Variants in SLC4A4 observed in about 807,000 individuals in gnomAD.
SLC4A4 encodes the protein electrogenic sodium bicarbonate cotransporter 1.
In SLC4A4, 27 loss-of-function variants were observed where a neutral mutation model predicts 111.5. That is an observed-to-expected ratio of 0.24 (90% CI 0.18 to 0.33). The LOEUF (loss-of-function observed/expected upper bound fraction) is 0.33. Ranked by LOEUF, SLC4A4 falls within the 10% of genes least tolerant of loss-of-function variation. The pLI is 1.00. For synonymous variants in SLC4A4, 443 were observed against 463.4 expected (o/e 0.96, Z 0.57); for missense variants, 909 against 1,315.5 (o/e 0.69, Z 4.78).
chr4:71,422,084 C>T (rs1481615596), intron 7 of SLC4A4, among the ~76,000 whole-genome samples: 12 of 146,948 alleles, frequency 8.2e-5, no homozygotes, highest in Non-Finnish European at 1.4e-4. Context: ...ATTGATAGAC[C>T]GCTAGCAAGA....
At chr4:71,481,768 C>G (rs1037310950) in intron 14 of SLC4A4, among the ~76,000 whole-genome samples, 3 of 151,676 alleles carry the variant, frequency 2.0e-5, no homozygotes, top group African/African-American at 7.3e-5. Context: ...TTCCCTCATT[C>G]CAGAAAATCA....
chr4:71,534,304 C>G lies in SLC4A4; in HGVS notation c.2358C>G (p.Ile786Met). The G allele has an allele frequency of 6.2e-7, 1 of 1,613,678 alleles. No individual in the cohort carries two copies. ...GGTGGGTGTGCCTTGCTGCTGCTAT[C>G]CCGGCTTTGTTGGTCACTATACTGA... ...NPWWVCLAAAIPALLVTILIF... is the reference protein window; with the variant it reads ...NPWWVCLAAAMPALLVTILIF... Residue 786 changes from isoleucine to methionine, a missense_variant, in exon 18 of 26, where the codon ATC becomes ATG. Around this residue, in one of 7 missense-constraint regions of SLC4A4, gnomAD observed 264 missense variants for 356.8 expected, o/e 0.74. Transcript: ENST00000264485.
At chr4:71,097,952 T>C (rs1183922083) in intron 2 of SLC4A4, among the ~76,000 whole-genome samples, 3 of 152,228 alleles carry the variant, frequency 2.0e-5, no homozygotes, top group Non-Finnish European at 4.4e-5. Context: ...GCAAATATTT[T>C]CTCCCACTCT....
intron 1 of SLC4A4, among the ~76,000 whole-genome samples, chr4:71,077,898 C>T (rs1250081780): frequency 6.6e-6 from 1 of 152,118 alleles, no homozygotes; most frequent in East Asian, 1.9e-4. Context: ...GAATGTCTAT[C>T]TAGCAAATAT....
intron 6 of SLC4A4, among the ~76,000 whole-genome samples, chr4:71,376,845 G>A (rs1444129753): frequency 6.6e-6 from 1 of 151,452 alleles, no homozygotes; most frequent in Admixed American, 6.6e-5. Flanking sequence ...CCATGTTGCC[G>A]AGGCTGGTCT....
In SLC4A4 at chr4:71,404,975, G is replaced by GTA. The variant is rs545776991; in HGVS notation, c.807+7333_807+7334dup. Among the ~76,000 whole-genome samples, 604 of 150,564 alleles carry GTA rather than the reference G, an allele frequency of 4.0e-3. 4 individuals carry two copies. Among genetic ancestry groups the GTA allele is most frequent in the South Asian group, 0.01 (48 of 4,768 alleles). On this transcript the variant is annotated intron_variant, in intron 7 of 25. Coordinates refer to ENST00000264485, the MANE Select transcript of SLC4A4 (RefSeq NM_001098484.3). ...CATACCCAGCTAATTTTTTTTTTGT[G>GTA]TATATATATATAATTTTTTTTTGAG...
chr4:71,225,388 G>C (rs1718982307), intron 1 of SLC4A4, among the ~76,000 whole-genome samples: 1 of 151,892 alleles, frequency 6.6e-6, no homozygotes, highest in Non-Finnish European at 1.5e-5. Context: ...CCTAATCTCA[G>C]TTCCTACATT....
intron 3 of SLC4A4, among the ~76,000 whole-genome samples, chr4:71,329,755 T>G (rs1727814638): frequency 6.6e-6 from 1 of 152,166 alleles, no homozygotes; most frequent in Non-Finnish European, 1.5e-5. Flanking sequence ...TTATATTATT[T>G]GCAAACAAGG....
At chr4:71,094,413 TGGCATTACATTATAAATA>T (rs1388295441) in intron 2 of SLC4A4, among the ~76,000 whole-genome samples, 4 of 147,388 alleles carry the variant, frequency 2.7e-5, no homozygotes, top group Non-Finnish European at 6.0e-5. Flanking sequence ...TGTCTATTTT[TGGCATTACATTATAAATA>T]GGCCTCCTGC....
chr4:71,476,266 G>T (rs558386755), intron 14 of SLC4A4, among the ~76,000 whole-genome samples: 21 of 151,716 alleles, frequency 1.4e-4, no homozygotes, highest in Admixed American at 1.3e-3. Context: ...CATCAATTTA[G>T]TATTTCTTGA....
intron 3 of SLC4A4, among the ~76,000 whole-genome samples, chr4:71,303,098 T>G (rs1273049907): frequency 6.6e-6 from 1 of 152,230 alleles, no homozygotes; most frequent in East Asian, 1.9e-4. Flanking sequence ...GACCTCATTT[T>G]CCTCTGCTTT....
chr4:71,068,758 G>T (rs542996220), intron 1 of SLC4A4, among the ~76,000 whole-genome samples: 4 of 151,848 alleles, frequency 2.6e-5, no homozygotes, highest in South Asian at 2.1e-4. Flanking sequence ...GAGACGAGGG[G>T]ATCTCACTAC....
chr4:71,395,388 A>G (rs1719726139), intron 6 of SLC4A4, among the ~76,000 whole-genome samples: 1 of 152,196 alleles, frequency 6.6e-6, no homozygotes, highest in African/African-American at 2.4e-5. Context: ...TGAGAATCAG[A>G]GAAAGTTAGG....
intron 2 of SLC4A4, among the ~76,000 whole-genome samples, chr4:71,140,406 A>AT (rs1464944858): frequency 6.6e-6 from 1 of 152,134 alleles, no homozygotes; most frequent in Non-Finnish European, 1.5e-5. Context: ...GAGCGACAAA[A>AT]TGAGACCCTG....
intron 14 of SLC4A4, chr4:71,473,236 G>A (rs1281518821): frequency 3.2e-6 from 2 of 625,998 alleles, no homozygotes; most frequent in African/African-American, 1.8e-5. Flanking sequence ...GGATTTGCAA[G>A]GAATTCATGT....
intron 1 of SLC4A4, among the ~76,000 whole-genome samples, chr4:71,231,406 C>T (rs550965930): frequency 2.0e-5 from 3 of 152,296 alleles, no homozygotes; most frequent in South Asian, 2.1e-4. Context: ...GTCACCCTTA[C>T]GAGCCTGCTC....
intron 4 of SLC4A4, among the ~76,000 whole-genome samples, chr4:71,342,772 A>G (rs1268064514): frequency 6.6e-6 from 1 of 152,176 alleles, no homozygotes; most frequent in African/African-American, 2.4e-5. Flanking sequence ...TCAACATTGA[A>G]TGATAGGAGC....
intron 6 of SLC4A4, among the ~76,000 whole-genome samples, chr4:71,376,879 C>T (rs1351119947): frequency 1.3e-5 from 2 of 152,030 alleles, no homozygotes; most frequent in Admixed American, 6.5e-5. Context: ...TCAAGTTATC[C>T]ACCTGCCTCA....
intron 8 of SLC4A4, among the ~76,000 whole-genome samples, chr4:71,446,093 G>T (rs533934368): frequency 6.6e-6 from 1 of 151,992 alleles, no homozygotes; most frequent in Non-Finnish European, 1.5e-5. Context: ...GGTTATTCTG[G>T]TATAAAACCT....
Sources: gnomAD v4.1 joint callset for allele counts (sites outside exome capture counted in the v4.1 genomes callset) on GRCh38, gnomAD v4.1.1 for gene constraint, gnomAD v4.1.1 regional missense constraint, MANE v1.5 for transcripts, NCBI Gene and HGNC (gene_info 2026-07-23, HGNC 2026-07-21) for gene names.